Variants in FUT8 observed in about 807,000 individuals in gnomAD.
FUT8 encodes fucosyltransferase 8, also known as alpha-(1,6)-fucosyltransferase.
FUT8 carries 29 observed loss-of-function variants against 71.3 expected under a neutral mutation model. The observed-to-expected ratio is 0.41, with a 90% CI of 0.30 to 0.55. The LOEUF is 0.55. Ranked by LOEUF, FUT8 falls within the 20% of genes least tolerant of loss-of-function variation. The pLI is 0.34. For synonymous variants in FUT8, 254 were observed against 239.3 expected, an observed-to-expected ratio of 1.06 and a Z score of -0.57; for missense variants, 544 against 702.1, an observed-to-expected ratio of 0.77 and a Z score of 2.55.
chr14:65,428,684 G>T (rs1187250116), intron 1 of FUT8, among the ~76,000 whole-genome samples: 1 of 152,184 alleles, frequency 6.6e-6, no homozygotes, highest in Admixed American at 6.5e-5. Flanking sequence ...ATACAACTCT[G>T]AGGATGGGGA....
intron 6 of FUT8, among the ~76,000 whole-genome samples, chr14:65,632,080 TATACAC>T (rs1890214825): frequency 6.6e-6 from 1 of 152,186 alleles, no homozygotes; most frequent in African/African-American, 2.4e-5. Flanking sequence ...TACATATACA[TATACAC>T]ATACATATAC....
intron 1 of FUT8, among the ~76,000 whole-genome samples, chr14:65,432,651 T>C (rs1446459972): frequency 6.6e-6 from 1 of 152,128 alleles, no homozygotes; most frequent in Admixed American, 6.6e-5. Flanking sequence ...AAGACCTTGC[T>C]AATAAAACAG....
intron 5 of FUT8, among the ~76,000 whole-genome samples, chr14:65,628,938 AG>A (rs1890031804): frequency 6.6e-6 from 1 of 152,248 alleles, no homozygotes; most frequent in South Asian, 2.1e-4. Flanking sequence ...ACAAAGGCAA[AG>A]GATCTTAGAG....
chr14:65,455,354 T>A (rs1371746639), intron 1 of FUT8, among the ~76,000 whole-genome samples: 2 of 152,248 alleles, frequency 1.3e-5, no homozygotes, highest in African/African-American at 2.4e-5. Context: ...AAGCAAGTTA[T>A]ATGAGCGCTA....
chr14:65,423,664 C>G (rs1437836654), intron 1 of FUT8, among the ~76,000 whole-genome samples: 1 of 152,176 alleles, frequency 6.6e-6, no homozygotes, highest in African/African-American at 2.4e-5. Flanking sequence ...AGCCAAAACT[C>G]TTTCTAAAAT....
rs564447883 is a variant in FUT8 at position 65,526,923 on chromosome 14, G to A, written c.-227-34414G>A. Among the ~76,000 whole-genome samples the A allele has an allele frequency of 5.9e-5, 9 of 152,298 alleles. No homozygotes were observed. The South Asian group carries it at 1.2e-3, about 21-fold the overall frequency. On this transcript the variant is annotated intron_variant, in intron 2 of 10. Transcript: ENST00000673929. ...TCTTCTGGCTTGTAGAGTTTCTGCT[G>A]AGAGATCCACTGTTAGTCTGATGGG...
At chr14:65,401,482 T>C in the FUT8 span, among the ~76,000 whole-genome samples, 19 of 152,200 alleles carry the variant, frequency 1.2e-4, no homozygotes, top group African/African-American at 4.3e-4. Flanking sequence ...AAGACTTCCT[T>C]CTCTGGAGAA....
intron 2 of FUT8, among the ~76,000 whole-genome samples, chr14:65,487,901 C>T (rs2066432775): frequency 6.6e-6 from 1 of 152,152 alleles, no homozygotes; most frequent in African/African-American, 2.4e-5. Flanking sequence ...GATCATAACT[C>T]ACTGCAGCCT....
chr14:65,594,306 G>C (rs1430709304), intron 3 of FUT8, among the ~76,000 whole-genome samples: 1 of 152,212 alleles, frequency 6.6e-6, no homozygotes, highest in East Asian at 1.9e-4. Flanking sequence ...ACCCCTCGCA[G>C]GAGGGAGCAT....
the FUT8 span, among the ~76,000 whole-genome samples, chr14:65,398,812 A>G: frequency 6.6e-6 from 1 of 152,140 alleles, no homozygotes. Context: ...TTCTTGTTTC[A>G]TCTGCATGTG....
In FUT8 at chr14:65,692,347, C is replaced by CG. The variant is rs1566898866; in HGVS notation, c.835+22870dup. 5.6e-5 allele frequency among the ~76,000 whole-genome samples: 8 copies of CG among 142,650 alleles called. No homozygotes were observed. In the East Asian group the frequency reaches 1.8e-3, roughly 32 times the overall value. The allele number at this position is 142,650 out of a possible 152,430, so 93.6% of individuals were successfully genotyped here. On this transcript the variant is annotated intron_variant, in intron 7 of 10. Transcript: ENST00000673929. ...TCACCTCCCAGACGGGGCGGCTGGC[C>CG]GGGCGGGGGGCTGACCCCCCCACCT...
rs564219294 is a variant in FUT8 at position 65,542,743 on chromosome 14, G to A, written c.-227-18594G>A. Reference sequence around the variant, plus strand: ...TTAGAAACTGTTCCCTGGAAAGATTGTTAATGTTTATTCATTATTTGTGTT... The same window carrying A: ...TTAGAAACTGTTCCCTGGAAAGATTATTAATGTTTATTCATTATTTGTGTT... On this transcript the variant is annotated intron_variant, in intron 2 of 10. Transcript: ENST00000673929. Among the ~76,000 whole-genome samples, 14 of 152,210 alleles carry A rather than the reference G, an allele frequency of 9.2e-5. No homozygotes were observed. In the South Asian group the frequency reaches 1.7e-3, roughly 18 times the overall value.
chr14:65,434,888 T>C (rs1277861376), intron 1 of FUT8, among the ~76,000 whole-genome samples: 2 of 152,302 alleles, frequency 1.3e-5, no homozygotes, highest in East Asian at 3.9e-4. Flanking sequence ...CACACTGCGA[T>C]ACACAGTTCT....
At chr14:65,476,295 C>A (rs2066238034) in intron 2 of FUT8, among the ~76,000 whole-genome samples, 1 of 152,152 alleles carries the variant, frequency 6.6e-6, no homozygotes, top group African/African-American at 2.4e-5. Flanking sequence ...CCCTAAACTT[C>A]AGGGAGGCCT....
chr14:65,370,300 C>T, the FUT8 span, among the ~76,000 whole-genome samples: 5 of 149,524 alleles, frequency 3.3e-5, no homozygotes, highest in South Asian at 8.4e-4. Context: ...CTCCGCCTCC[C>T]GGGTTCACGC....
At chr14:65,642,244 T>C (rs1412713961) in intron 6 of FUT8, among the ~76,000 whole-genome samples, 3 of 152,132 alleles carry the variant, frequency 2.0e-5, no homozygotes, top group Non-Finnish European at 2.9e-5. Flanking sequence ...AGCTATTCAA[T>C]TGGTCTAGAA....
At position 65,692,916 on chromosome 14, in the gene FUT8, G is replaced by A. The variant is rs1190589621; in HGVS notation, c.835+23436G>A. On this transcript the variant is annotated intron_variant, in intron 7 of 10. Coordinates refer to ENST00000673929, the MANE Select transcript of FUT8 (RefSeq NM_001371533.1). ...CCCACATCTCAGACGATGGGCGGCC[G>A]GGCAGAGACGCTCCTCACTTCCTAG... 4.5e-4 allele frequency among the ~76,000 whole-genome samples: 68 copies of A among 151,592 alleles called. No homozygotes were observed. In the East Asian group the frequency reaches 4.7e-3, roughly 10 times the overall value.
intron 2 of FUT8, among the ~76,000 whole-genome samples, chr14:65,540,992 A>C (rs1270010464): frequency 1.3e-5 from 2 of 152,188 alleles, no homozygotes; most frequent in Non-Finnish European, 2.9e-5. Context: ...TGGTCTTTGG[A>C]ATATAGATTA....
intron 2 of FUT8, among the ~76,000 whole-genome samples, chr14:65,499,252 A>C (rs2066608078): frequency 6.6e-6 from 1 of 151,974 alleles, no homozygotes; most frequent in Non-Finnish European, 1.5e-5. Flanking sequence ...AGAGCACACT[A>C]ATTTTTTCTT....
Sources: allele counts gnomAD v4.1 joint callset (sites outside exome capture counted in the v4.1 genomes callset), GRCh38; gene constraint gnomAD v4.1.1; transcripts MANE v1.5; gene names NCBI Gene and HGNC (gene_info 2026-07-23, HGNC 2026-07-21).